PRRG1: variants seen among roughly 807,000 people sequenced by gnomAD.
The protein encoded by PRRG1 is proline rich and Gla domain 1.
Under a neutral mutation model 11.8 loss-of-function variants are expected in PRRG1, and 5 were observed. The observed-to-expected ratio is 0.42, with a 90% CI of 0.22 to 0.89. The LOEUF (loss-of-function observed/expected upper bound fraction) is 0.89, where lower values mean the gene tolerates loss of function less well. Among genes scored for constraint, PRRG1 ranks in the 40% least tolerant of loss-of-function variants. PRRG1 has a pLI of 0.28. For synonymous variants in PRRG1, 66 were observed against 60.4 expected (o/e 1.09, Z -0.43); for missense variants, 155 against 166.1 (o/e 0.93, Z 0.37).
At chrX:37,364,803 A>G (rs1556368701) in intron 1 of PRRG1, among the ~76,000 whole-genome samples, 2 of 111,974 alleles carry the variant, frequency 1.8e-5, no homozygotes, top group African/African-American at 6.5e-5. Flanking sequence ...CATTGCTACA[A>G]TGGCATGTGG....
chrX:37,368,307 A>C (rs1427542795), intron 1 of PRRG1, among the ~76,000 whole-genome samples: 2 of 112,202 alleles, frequency 1.8e-5, no homozygotes, highest in Non-Finnish European at 3.8e-5. Context: ...GGAATTATGG[A>C]TTTCTGCATT....
intron 2 of PRRG1, among the ~76,000 whole-genome samples, chrX:37,423,981 G>A (rs1556387738): frequency 9.0e-6 from 1 of 111,261 alleles, no homozygotes; most frequent in African/African-American, 3.3e-5. Context: ...GTAACAAACT[G>A]AACAGATTTA....
intron 1 of PRRG1, among the ~76,000 whole-genome samples, chrX:37,398,204 G>A (rs187766919): frequency 6.3e-5 from 7 of 111,463 alleles, no homozygotes; most frequent in Admixed American, 1.9e-4. Flanking sequence ...CCCGACCCCC[G>A]AGCAGCCTAA....
At chrX:37,435,426 T>TTTA (rs1932874729) in intron 3 of PRRG1, among the ~76,000 whole-genome samples, 1 of 109,629 alleles carries the variant, frequency 9.1e-6, no homozygotes, top group Admixed American at 9.7e-5. Flanking sequence ...GGAGCTTAAT[T>TTTA]TTCTTCTTCC....
chrX:37,443,302 G>A (rs913229874), intron 3 of PRRG1, among the ~76,000 whole-genome samples: 2 of 111,784 alleles, frequency 1.8e-5, no homozygotes, highest in African/African-American at 6.5e-5. Context: ...GACATTTGCA[G>A]TGGGGACACC....
At chrX:37,371,765 T>C (rs1352447793) in intron 1 of PRRG1, among the ~76,000 whole-genome samples, 1 of 113,314 alleles carries the variant, frequency 8.8e-6, no homozygotes, top group Non-Finnish European at 1.9e-5. Context: ...TCAGCCAGCA[T>C]GCCTGGCTAT....
chrX:37,393,587 T>C lies in PRRG1; in HGVS notation c.-41-12622T>C, dbSNP rs1048267360. On this transcript the variant is annotated intron_variant, in intron 1 of 3. Transcript: ENST00000378628. ...AATGGTTTTCCAGCCAGTAAAGCCT[T>C]GTATGATTTGACTGTTTGTCTTTGT... Among the ~76,000 whole-genome samples the C allele has an allele frequency of 3.6e-5, 4 of 111,490 alleles. No homozygotes were observed. The East Asian group carries it at 1.1e-3, about 31-fold the overall frequency.
At chrX:37,376,570 T>TAC (rs1165720518) in intron 1 of PRRG1, among the ~76,000 whole-genome samples, 4 of 82,478 alleles carry the variant, frequency 4.8e-5, no homozygotes, top group Admixed American at 2.9e-4. Flanking sequence ...TATATATATA[T>TAC]ATGTGCTGAG....
rs141048460 is a variant in PRRG1, at chrX:37,453,276, C to T, written c.312C>T (p.Cys104=). The T allele has an allele frequency of 2.6e-5, 32 of 1,208,090 alleles. No individual in the cohort carries two copies. The African/African-American group carries it at 5.6e-4, about 21-fold the overall frequency. ...ILLVIFLIWR[C]FLRNKTRRQT... ...TTGTCATTTTCCTAATCTGGAGATG[C>T]TTCCTAAGAAACAAAACTCGTAGAC... Residue 104 remains cysteine (C), a synonymous_variant, in exon 4 of 4, where the codon TGC becomes TGT. Transcript: ENST00000378628.
chrX:37,415,792 G>T (rs1340186681), intron 2 of PRRG1, among the ~76,000 whole-genome samples: 1 of 111,299 alleles, frequency 9.0e-6, no homozygotes, highest in Non-Finnish European at 1.9e-5. Context: ...TCCTTATTTA[G>T]GATCTCCCAC....
chrX:37,441,837 C>T (rs1222829208), intron 3 of PRRG1: 6 of 782,858 alleles, frequency 7.7e-6, no homozygotes, highest in Non-Finnish European at 9.2e-6. Context: ...AGTGCGCCTT[C>T]CACCTGGAGA....
At chrX:37,423,400 G>A (rs934791455) in intron 2 of PRRG1, among the ~76,000 whole-genome samples, 1 of 110,070 alleles carries the variant, frequency 9.1e-6, no homozygotes, top group Non-Finnish European at 1.9e-5. Context: ...TTACTAAAGA[G>A]TCAAAAAGTT....
intron 1 of PRRG1, among the ~76,000 whole-genome samples, chrX:37,397,977 A>AACACACACACACACAC (rs782125904): frequency 2.4e-5 from 2 of 84,006 alleles, no homozygotes; most frequent in African/African-American, 9.6e-5. Context: ...TATAAAAACT[A>AACACACACACACACAC]ACACACACAC....
At chrX:37,353,301 A>G (rs955233947) in intron 1 of PRRG1, among the ~76,000 whole-genome samples, 64 of 112,503 alleles carry the variant, frequency 5.7e-4, no homozygotes, top group African/African-American at 2.0e-3. Flanking sequence ...ATAAGGATAT[A>G]AAGAAAGAAA....
intron 1 of PRRG1, among the ~76,000 whole-genome samples, chrX:37,359,854 C>CTTTCAAGGAATTGGTCCA (rs1298710440): frequency 9.0e-6 from 1 of 111,716 alleles, no homozygotes; most frequent in Non-Finnish European, 1.9e-5. Flanking sequence ...CAGATTGTAT[C>CTTTCAAGGAATTGGTCCA]TTTCAAGGAA....
intron 1 of PRRG1, chrX:37,403,883 C>G: frequency 2.2e-6 from 1 of 461,302 alleles, no homozygotes; most frequent in South Asian, 1.1e-4. Context: ...AGATGCTGAT[C>G]TTTGGAAGTT....
chrX:37,391,074 G>T (rs1392104246), intron 1 of PRRG1, among the ~76,000 whole-genome samples: 1 of 111,819 alleles, frequency 8.9e-6, no homozygotes, highest in African/African-American at 3.3e-5. Context: ...TAATCTGTTT[G>T]ATTCCTTTCA....
intron 1 of PRRG1, among the ~76,000 whole-genome samples, chrX:37,353,548 C>G (rs1601964855): frequency 8.9e-6 from 1 of 111,951 alleles, no homozygotes; most frequent in Non-Finnish European, 1.9e-5. Flanking sequence ...CCACTTACCA[C>G]TCACTCACTG....
intron 3 of PRRG1, among the ~76,000 whole-genome samples, chrX:37,433,033 C>T (rs1749350697): frequency 9.0e-6 from 1 of 111,577 alleles, no homozygotes; most frequent in Non-Finnish European, 1.9e-5. Flanking sequence ...TGAAAATATA[C>T]TCGGAATCTA....
Sources: allele counts gnomAD v4.1 joint callset (sites outside exome capture counted in the v4.1 genomes callset), GRCh38; gene constraint gnomAD v4.1.1; transcripts MANE v1.5; gene names NCBI Gene and HGNC (gene_info 2026-07-23, HGNC 2026-07-21).